The following COL4A4 variants were observed in gnomAD, a reference collection of about 807,000 sequenced individuals.
The protein encoded by COL4A4 is collagen alpha-4(IV) chain.
COL4A4 carries 105 observed loss-of-function variants against 192.9 expected under a neutral mutation model. The observed-to-expected ratio is 0.54, with a 90% CI of 0.46 to 0.64. The LOEUF is 0.64. Among genes scored for constraint, COL4A4 ranks in the 30% least tolerant of loss-of-function variants. The pLI, the probability that COL4A4 is intolerant of heterozygous loss-of-function variation, is 0.00. For missense variants in COL4A4, 1,967 were observed against 2,169.3 expected, an observed-to-expected ratio of 0.91 and a Z score of 1.85; for synonymous variants, 762 against 769.9, an observed-to-expected ratio of 0.99 and a Z score of 0.17.
intron 3 of COL4A4, among the ~76,000 whole-genome samples, chr2:227,141,828 C>A (rs755417402): frequency 1.3e-5 from 2 of 151,694 alleles, no homozygotes; most frequent in Admixed American, 6.6e-5. Context: ...AAATTAAATG[C>A]CCGGGCCCAG....
rs1395462000 is a variant in COL4A4 at position 227,042,178 on chromosome 2, G to A, written c.3475C>T (p.Pro1159Ser). ...DPGPRGLQGD[P>S]GIPGPPGIKG... ...ATTCCCGGAGGACCTGGTATCCCTGGATCCCCCTGGAGGCCTCTTGGCCCA... is the reference window on the plus strand; with the variant it reads ...ATTCCCGGAGGACCTGGTATCCCTGAATCCCCCTGGAGGCCTCTTGGCCCA... Residue 1159 changes from proline to serine, a missense_variant, in exon 37 of 48, where the codon CCA becomes TCA. Pro to Ser is a moderately conservative substitution (Grantham distance 74). Transcript: ENST00000396625. The A allele has an allele frequency of 6.2e-7, 1 of 1,612,362 alleles. No individual in the cohort carries two copies.
chr2:227,033,581 G>C, intron 37 of COL4A4, 100 bp from the exon 38 acceptor site: 2 of 1,013,040 alleles, frequency 2.0e-6, no homozygotes, highest in East Asian at 4.9e-5. Context: ...CGCGTTGCTG[G>C]GGCCAGCAAA....
chr2:227,140,204 C>G lies in COL4A4; in HGVS notation c.149G>C (p.Arg50Thr), dbSNP rs1261294446. 6.2e-7 allele frequency: 1 copy of G among 1,614,132 alleles called. No individual in the cohort carries two copies. Among genetic ancestry groups the G allele is most frequent in the Admixed American group, 1.7e-5 (1 of 60,018 alleles). The change falls in exon 4 of 48, where the codon AGA (arginine) becomes ACA (threonine). Residue 50 changes from arginine (R) to threonine (T), a missense_variant. Physicochemically the swap from Arg to Thr is moderately conservative, Grantham distance 71 (BLOSUM62 -1). Transcript: ENST00000396625. Reference protein sequence around the residue: ...GKKYIGPCGGRDCSVCHCVPE... With the variant: ...GKKYIGPCGGTDCSVCHCVPE... ...AACACAGTGGCAAACAGAGCAATCT[C>G]TTCCTCCACAAGGACCAATGTATTT...
chr2:227,082,616 T>C (rs1017242797), intron 22 of COL4A4, among the ~76,000 whole-genome samples: 4 of 152,176 alleles, frequency 2.6e-5, no homozygotes, highest in African/African-American at 9.7e-5. Context: ...TATCATGGGC[T>C]TTGTAATGTG....
At chr2:227,041,670 G>T (rs1970869727) in intron 37 of COL4A4, among the ~76,000 whole-genome samples, 1 of 117,686 alleles carries the variant, frequency 8.5e-6, no homozygotes, top group Non-Finnish European at 1.8e-5. Context: ...GGAAAGAAAA[G>T]GAAAAAAGAA....
chr2:227,141,921 G>A (rs6736593), intron 3 of COL4A4, among the ~76,000 whole-genome samples: 7 of 151,754 alleles, frequency 4.6e-5, no homozygotes, highest in Non-Finnish European at 8.8e-5. Context: ...CTATGTGTTC[G>A]CTGAAATATC....
chr2:227,159,322 A>G (rs1447876840), intron 1 of COL4A4, among the ~76,000 whole-genome samples: 1 of 152,202 alleles, frequency 6.6e-6, no homozygotes, highest in Non-Finnish European at 1.5e-5. Flanking sequence ...TGGGGTTTGG[A>G]AAGAGGGATG....
chr2:227,110,896 G>A (rs913173690), intron 9 of COL4A4, among the ~76,000 whole-genome samples: 1 of 151,472 alleles, frequency 6.6e-6, no homozygotes, highest in Admixed American at 6.6e-5. Flanking sequence ...TGGCCAGGCT[G>A]GTCTCAAACT....
At chr2:227,088,940 C>A (rs1431786473) in intron 21 of COL4A4, 124 bp from the exon 22 acceptor site, 15 of 1,133,754 alleles carry the variant, frequency 1.3e-5, no homozygotes, top group Non-Finnish European at 1.8e-5. Flanking sequence ...TTCTTGCAGA[C>A]AATTGAGAGC....
chr2:227,121,561 C>CAAAAAAAAAA (rs766680844), intron 4 of COL4A4, among the ~76,000 whole-genome samples: 6 of 58,906 alleles, frequency 1.0e-4, no homozygotes, highest in East Asian at 4.7e-4. Flanking sequence ...GACCCTATCT[C>CAAAAAAAAAA]AAAAAAAAAA....
chr2:227,080,484 G>A lies in COL4A4; in HGVS notation c.1762C>T (p.Arg588Trp), dbSNP rs778889239. ...GFPGQPGSHG[R>W]DGHAGEKGDP... ...CCTTTTTCTCCAGCATGTCCATCCC[G>A]ACCATGTGATCCTGGCTGCCCTGGA... The change falls in exon 24 of 48, where the codon CGG (arginine) becomes TGG (tryptophan). Residue 588 changes from arginine to tryptophan, a missense_variant. Physicochemically the swap from Arg to Trp is moderately radical, Grantham distance 101. Coordinates refer to ENST00000396625, the MANE Select transcript of COL4A4 (RefSeq NM_000092.5). 62 of 1,613,900 alleles carry A rather than the reference G, an allele frequency of 3.8e-5. No homozygotes were observed. The highest frequency in any genetic ancestry group is 5.3e-5 in the African/African-American group (4 of 74,846).
chr2:227,125,335 C>T (rs566742007), intron 4 of COL4A4, among the ~76,000 whole-genome samples: 24 of 152,054 alleles, frequency 1.6e-4, no homozygotes, highest in Non-Finnish European at 2.5e-4. Context: ...AGCCTCCCCC[C>T]GTAGCTGGGA....
chr2:226,988,612 C>T, the COL4A4 span: 6 of 1,353,260 alleles, frequency 4.4e-6, no homozygotes, highest in Non-Finnish European at 5.7e-6. Flanking sequence ...CCAGCTGCCC[C>T]TCCGAGCAGA....
intron 25 of COL4A4, among the ~76,000 whole-genome samples, chr2:227,064,962 T>C (rs1201662210): frequency 6.6e-6 from 1 of 152,204 alleles, no homozygotes; most frequent in East Asian, 1.9e-4. Flanking sequence ...TTTCTGCATT[T>C]CCATCTGAGG....
At chr2:227,051,670 T>C (rs1012760733) in intron 32 of COL4A4, among the ~76,000 whole-genome samples, 1 of 152,200 alleles carries the variant, frequency 6.6e-6, no homozygotes, top group Non-Finnish European at 1.5e-5. Flanking sequence ...CTCCAGGTGA[T>C]TAATGTGCTC....
intron 20 of COL4A4, among the ~76,000 whole-genome samples, chr2:227,091,299 T>C (rs1034295651): frequency 7.4e-5 from 11 of 149,372 alleles, no homozygotes; most frequent in African/African-American, 2.8e-4. Flanking sequence ...TAGATATAGA[T>C]ATAAATAGAT....
At chr2:227,041,858 GAAA>G (rs1327747987) in intron 37 of COL4A4, among the ~76,000 whole-genome samples, 7 of 98,512 alleles carry the variant, frequency 7.1e-5, no homozygotes, top group Admixed American at 6.6e-4. Context: ...GAGAAAGAAA[GAAA>G]GAAAGAAAGA....
rs535958513 is a variant in COL4A4, at chr2:227,073,534, G to GA, written c.1987+4359dup. On this transcript the variant is annotated intron_variant, in intron 25 of 47. Coordinates refer to ENST00000396625, the MANE Select transcript of COL4A4 (RefSeq NM_000092.5). ...ATGCACATCATTTTTCATAGAATTA[G>GA]AAAAAACAATCCTGAATTTTGTATT... Among the ~76,000 whole-genome samples, 49 of 152,022 alleles carry GA rather than the reference G, an allele frequency of 3.2e-4. 1 individual carries two copies. In the South Asian group the frequency reaches 0.01, roughly 31 times the overall value.
chr2:226,977,843 A>G, the COL4A4 span, among the ~76,000 whole-genome samples: 1 of 152,230 alleles, frequency 6.6e-6, no homozygotes, highest in East Asian at 1.9e-4. Context: ...TTGTACTTTT[A>G]TATTGAGTTC....
Sources: allele counts gnomAD v4.1 joint callset (sites outside exome capture counted in the v4.1 genomes callset), GRCh38; gene constraint gnomAD v4.1.1; transcripts MANE v1.5; gene names NCBI Gene and HGNC (gene_info 2026-07-23, HGNC 2026-07-21).